TYW1: variants seen among roughly 807,000 people sequenced by gnomAD.
The protein encoded by TYW1 is tRNA-yW synthesizing protein 1 homolog.
TYW1 carries 46 observed loss-of-function variants against 96.2 expected under a neutral mutation model. That is an observed-to-expected ratio of 0.48 (90% CI 0.38 to 0.61). TYW1 has a LOEUF of 0.61. Ranked by LOEUF, TYW1 falls within the 20% of genes least tolerant of loss-of-function variation. TYW1 has a pLI of 0.00. For synonymous variants in TYW1, 274 were observed against 323.0 expected (o/e 0.85, Z 1.63); for missense variants, 684 against 909.6 (o/e 0.75, Z 3.19).
intron 11 of TYW1, among the ~76,000 whole-genome samples, chr7:67,087,376 A>C (rs1444925123): frequency 6.6e-6 from 1 of 152,164 alleles, no homozygotes; most frequent in Non-Finnish European, 1.5e-5. Context: ...GGAAAACAAA[A>C]GAGTTTTAAA....
chr7:67,066,778 T>C (rs796906065), intron 9 of TYW1, among the ~76,000 whole-genome samples: 7 of 152,052 alleles, frequency 4.6e-5, no homozygotes, highest in African/African-American at 1.7e-4. Context: ...AACCCAGGAG[T>C]TGGAGGTTGC....
intron 15 of TYW1, among the ~76,000 whole-genome samples, chr7:67,220,372 T>A (rs1401138604): frequency 6.6e-6 from 1 of 151,352 alleles, no homozygotes; most frequent in African/African-American, 2.4e-5. Flanking sequence ...CCTGGCTAAT[T>A]TTTTGTATTT....
At chr7:67,134,372 G>T (rs1433392206) in intron 13 of TYW1, among the ~76,000 whole-genome samples, 1 of 151,720 alleles carries the variant, frequency 6.6e-6, no homozygotes, top group Admixed American at 6.6e-5. Flanking sequence ...GTGAAACCCT[G>T]TTAGTACTAA....
intron 13 of TYW1, among the ~76,000 whole-genome samples, chr7:67,154,304 T>C (rs1222656431): frequency 1.3e-5 from 2 of 152,206 alleles, no homozygotes; most frequent in Non-Finnish European, 2.9e-5. Context: ...AATAAACTTG[T>C]ATTTTGGAAC....
chr7:67,139,999 A>G (rs1442390061), intron 13 of TYW1, among the ~76,000 whole-genome samples: 1 of 152,116 alleles, frequency 6.6e-6, no homozygotes, highest in Non-Finnish European at 1.5e-5. Context: ...TTACAGTTCC[A>G]CATGGCTGGA....
chr7:67,059,096 GTTTTT>G (rs557933957), intron 9 of TYW1, among the ~76,000 whole-genome samples: 1 of 124,602 alleles, frequency 8.0e-6, no homozygotes, highest in Admixed American at 8.5e-5. Context: ...TGAAGACAAA[GTTTTT>G]TTTTTTTTTT....
intron 7 of TYW1, among the ~76,000 whole-genome samples, chr7:67,042,454 A>G (rs1009732868): frequency 3.3e-5 from 5 of 152,100 alleles, no homozygotes; most frequent in African/African-American, 9.7e-5. Context: ...TATGGGAGGA[A>G]TAGGGTGTTA....
chr7:67,001,031 T>C (rs934657255), intron 3 of TYW1, among the ~76,000 whole-genome samples: 4 of 152,048 alleles, frequency 2.6e-5, no homozygotes, highest in African/African-American at 9.7e-5. Flanking sequence ...AAAGTCCTTT[T>C]AATGTTACTT....
In TYW1 at chr7:67,177,237, G is replaced by A. The variant is rs571493334; in HGVS notation, c.1699-5889G>A. On this transcript the variant is annotated intron_variant, in intron 13 of 15. Transcript: ENST00000359626. ...GTTTTGGTGGATTTTTGACACAAATGTGAGTGGCAATATGATAAAACTTTA... is the reference window on the plus strand; with the variant it reads ...GTTTTGGTGGATTTTTGACACAAATATGAGTGGCAATATGATAAAACTTTA... Among the ~76,000 whole-genome samples the A allele has an allele frequency of 2.0e-4, 31 of 151,920 alleles. No homozygotes were observed. In the South Asian group the frequency reaches 3.8e-3, roughly 18 times the overall value.
At chr7:67,156,741 C>T (rs1202660380) in intron 13 of TYW1, among the ~76,000 whole-genome samples, 1 of 151,818 alleles carries the variant, frequency 6.6e-6, no homozygotes, top group Non-Finnish European at 1.5e-5. Context: ...GGGCAGGATG[C>T]AGTCTGGTGG....
chr7:67,118,366 G>A (rs765474224), intron 13 of TYW1, among the ~76,000 whole-genome samples: 1 of 151,864 alleles, frequency 6.6e-6, no homozygotes, highest in African/African-American at 2.4e-5. Flanking sequence ...AAATGGCATA[G>A]TATTTGCACA....
chr7:67,153,797 A>G (rs1167693784), intron 13 of TYW1, among the ~76,000 whole-genome samples: 1 of 151,998 alleles, frequency 6.6e-6, no homozygotes, highest in Non-Finnish European at 1.5e-5. Flanking sequence ...ACTGCCTACA[A>G]GTTGCTTTTT....
intron 7 of TYW1, among the ~76,000 whole-genome samples, chr7:67,039,518 A>T (rs1794947312): frequency 6.6e-6 from 1 of 152,036 alleles, no homozygotes; most frequent in Non-Finnish European, 1.5e-5. Flanking sequence ...GTCCAGCCAG[A>T]TTGTAACTTG....
intron 6 of TYW1, among the ~76,000 whole-genome samples, chr7:67,023,781 A>G (rs1432319666): frequency 1.3e-5 from 2 of 152,108 alleles, no homozygotes; most frequent in African/African-American, 4.8e-5. Flanking sequence ...AACAAAAACA[A>G]CAACAACAAA....
At chr7:67,138,928 C>T (rs1268273664) in intron 13 of TYW1, among the ~76,000 whole-genome samples, 1 of 151,252 alleles carries the variant, frequency 6.6e-6, no homozygotes. Flanking sequence ...ACTAGTGTTG[C>T]AATAAACATG....
At chr7:67,009,979 TCTTTTC>T (rs1478679115) in intron 4 of TYW1, among the ~76,000 whole-genome samples, 60 of 141,142 alleles carry the variant, frequency 4.3e-4, no homozygotes, top group Middle Eastern at 4.2e-3. Flanking sequence ...TTTTCTTTTT[TCTTTTC>T]TTTTTTTTTT....
intron 10 of TYW1, among the ~76,000 whole-genome samples, chr7:67,075,648 C>T (rs1032711622): frequency 2.6e-5 from 4 of 152,184 alleles, no homozygotes; most frequent in Admixed American, 6.5e-5. Flanking sequence ...AGTAAGATTG[C>T]ATTTCTGTGC....
chr7:67,091,877 A>C (rs1293026725), intron 11 of TYW1, among the ~76,000 whole-genome samples: 1 of 152,100 alleles, frequency 6.6e-6, no homozygotes, highest in Non-Finnish European at 1.5e-5. Context: ...TGATTGTCTA[A>C]ATGGGGGAAT....
rs190767960 is a variant in TYW1, at chr7:67,142,358, C to T, written c.1698+24740C>T. Among the ~76,000 whole-genome samples the T allele has an allele frequency of 1.5e-3, 231 of 152,264 alleles. 2 individuals are homozygous for T. Among genetic ancestry groups the T allele is most frequent in the Non-Finnish European group, 5.6e-4 (38 of 68,024 alleles). ...GCCTCAAGTGGTTTTCCTACCTTGG[C>T]CTCCCGAGGCACTGGGATTATAGAT... On this transcript the variant is annotated intron_variant, in intron 13 of 15. Coordinates refer to ENST00000359626, the MANE Select transcript of TYW1 (RefSeq NM_018264.4).
Sources: gnomAD v4.1 joint callset for allele counts (sites outside exome capture counted in the v4.1 genomes callset) on GRCh38, gnomAD v4.1.1 for gene constraint, MANE v1.5 for transcripts, NCBI Gene and HGNC (gene_info 2026-07-23, HGNC 2026-07-21) for gene names.